FYN: variants seen among roughly 807,000 people sequenced by gnomAD.
The protein encoded by FYN is tyrosine-protein kinase Fyn.
FYN carries 10 observed loss-of-function variants against 70.2 expected under a neutral mutation model. The ratio of observed to expected loss-of-function variants is 0.14; its 90% CI spans 0.09 to 0.24. The LOEUF (loss-of-function observed/expected upper bound fraction) is 0.24, where lower values mean the gene tolerates loss of function less well. Among genes scored for constraint, FYN ranks in the 10% least tolerant of loss-of-function variants. The pLI is 1.00. For missense variants in FYN, 319 were observed against 673.1 expected (o/e 0.47, Z 5.82); for synonymous variants, 236 against 248.6 (o/e 0.95, Z 0.48).
intron 3 of FYN, among the ~76,000 whole-genome samples, chr6:111,728,250 G>T (rs911357332): frequency 2.0e-5 from 3 of 152,140 alleles, no homozygotes; most frequent in Non-Finnish European, 4.4e-5. Flanking sequence ...TAGAGCACAG[G>T]TTGTAAAGTT....
chr6:111,692,728 C>T (rs965533629), intron 12 of FYN, among the ~76,000 whole-genome samples: 1 of 152,222 alleles, frequency 6.6e-6, no homozygotes, highest in African/African-American at 2.4e-5. Flanking sequence ...TCATGTCTCA[C>T]AACCTTTGCC....
chr6:111,835,521 G>A (rs1244533543), intron 2 of FYN, among the ~76,000 whole-genome samples: 1 of 152,232 alleles, frequency 6.6e-6, no homozygotes, highest in African/African-American at 2.4e-5. Flanking sequence ...CCTGAACAAA[G>A]GGTCATGAGA....
intron 5 of FYN, among the ~76,000 whole-genome samples, chr6:111,708,729 G>A (rs1025473674): frequency 1.3e-5 from 2 of 152,172 alleles, no homozygotes; most frequent in African/African-American, 4.8e-5. Flanking sequence ...GGCTGCGTGT[G>A]CTCGCACAGG....
At chr6:111,855,821 A>T (rs995376937) in intron 1 of FYN, among the ~76,000 whole-genome samples, 3 of 152,244 alleles carry the variant, frequency 2.0e-5, no homozygotes, top group African/African-American at 7.2e-5. Flanking sequence ...GTTATTGAAA[A>T]TAAGGCTTGT....
chr6:111,731,005 G>C (rs994844963), intron 3 of FYN, among the ~76,000 whole-genome samples: 9 of 152,298 alleles, frequency 5.9e-5, no homozygotes, highest in Admixed American at 3.9e-4. Flanking sequence ...AGGGCCCAAG[G>C]GTCAGGGTGT....
intron 3 of FYN, among the ~76,000 whole-genome samples, chr6:111,755,105 GA>G (rs1239846472): frequency 1.5e-4 from 23 of 151,948 alleles, no homozygotes; most frequent in Admixed American, 1.5e-3. Flanking sequence ...GAATTTGGAT[GA>G]ACAAATACTG....
intron 12 of FYN, among the ~76,000 whole-genome samples, chr6:111,682,152 C>G (rs980880058): frequency 4.6e-5 from 7 of 152,224 alleles, no homozygotes; most frequent in Non-Finnish European, 1.0e-4. Context: ...GACACCCTGA[C>G]GGTCAAAGTA....
intron 12 of FYN, among the ~76,000 whole-genome samples, chr6:111,688,392 A>G (rs1014091936): frequency 2.0e-5 from 3 of 152,214 alleles, no homozygotes; most frequent in African/African-American, 4.8e-5. Flanking sequence ...TGATTCCCAG[A>G]GAGAGCCATG....
chr6:111,771,820 A>C (rs534298315), intron 3 of FYN, among the ~76,000 whole-genome samples: 1 of 152,244 alleles, frequency 6.6e-6, no homozygotes, highest in Non-Finnish European at 1.5e-5. Flanking sequence ...CCTGCCCTTT[A>C]GAGGTGCATA....
chr6:111,772,603 T>C (rs1389623585), intron 3 of FYN, among the ~76,000 whole-genome samples: 1 of 152,222 alleles, frequency 6.6e-6, no homozygotes, highest in African/African-American at 2.4e-5. Flanking sequence ...ACATCATTTA[T>C]AAAGTATTCT....
intron 9 of FYN, chr6:111,699,871 T>C (rs970785852): frequency 1.7e-5 from 11 of 642,898 alleles, no homozygotes; most frequent in African/African-American, 5.5e-5. Flanking sequence ...AGTCATGTAA[T>C]AGTACAACTT....
intron 2 of FYN, chr6:111,844,893 G>A (rs1314946593): frequency 6.6e-6 from 1 of 152,208 alleles, no homozygotes; most frequent in African/African-American, 2.4e-5. Context: ...ATTTAAAAGC[G>A]AGTAATTTTA....
intron 5 of FYN, among the ~76,000 whole-genome samples, chr6:111,708,664 T>A (rs145288458): frequency 3.3e-5 from 5 of 152,272 alleles, no homozygotes; most frequent in African/African-American, 1.2e-4. Flanking sequence ...AGTGATTCCA[T>A]CAAATGTCCA....
chr6:111,830,031 A>G (rs1562536883), intron 2 of FYN, among the ~76,000 whole-genome samples: 2 of 152,186 alleles, frequency 1.3e-5, no homozygotes, highest in Non-Finnish European at 2.9e-5. Flanking sequence ...ATTTTTTTAA[A>G]AAGTGTTTCT....
At chr6:111,679,540 G>A (rs1403443873) in intron 12 of FYN, among the ~76,000 whole-genome samples, 1 of 152,134 alleles carries the variant, frequency 6.6e-6, no homozygotes, top group Non-Finnish European at 1.5e-5. Context: ...GAATGAATGA[G>A]TAGCTGGTCA....
At chr6:111,714,083 C>A (rs1220676031) in intron 5 of FYN, among the ~76,000 whole-genome samples, 1 of 152,166 alleles carries the variant, frequency 6.6e-6, no homozygotes, top group African/African-American at 2.4e-5. Context: ...GATTTTACAA[C>A]CTTTAAACCT....
chr6:111,825,263 C>T (rs1772797354), intron 2 of FYN, among the ~76,000 whole-genome samples: 2 of 152,166 alleles, frequency 1.3e-5, no homozygotes, highest in Non-Finnish European at 2.9e-5. Flanking sequence ...AGCTGAAAAC[C>T]AATTTAATTG....
chr6:111,850,493 G>C (rs1287587095), intron 1 of FYN, among the ~76,000 whole-genome samples: 1 of 152,238 alleles, frequency 6.6e-6, no homozygotes, highest in Non-Finnish European at 1.5e-5. Context: ...GATGTCAGTG[G>C]TGACTGAGGA....
chr6:111,815,979 T>C (rs1005789037), intron 2 of FYN, among the ~76,000 whole-genome samples: 5 of 152,122 alleles, frequency 3.3e-5, no homozygotes, highest in African/African-American at 1.2e-4. Context: ...GGATAACAAG[T>C]GTGAGCCACC....
Sources: gnomAD v4.1 joint callset for allele counts (sites outside exome capture counted in the v4.1 genomes callset) on GRCh38, gnomAD v4.1.1 for gene constraint, MANE v1.5 for transcripts, NCBI Gene and HGNC (gene_info 2026-07-23, HGNC 2026-07-21) for gene names.